The following MOSMO variants were observed in gnomAD, a reference collection of about 807,000 sequenced individuals.
The protein encoded by MOSMO is modulator of smoothened, also known as modulator of smoothened protein.
MOSMO carries 5 observed loss-of-function variants against 18.4 expected under a neutral mutation model. That is an observed-to-expected ratio of 0.27 (90% CI 0.14 to 0.57). MOSMO has a LOEUF of 0.57. Ranked by LOEUF, MOSMO falls within the 20% of genes least tolerant of loss-of-function variation. The pLI is 0.92. For synonymous variants in MOSMO, 82 were observed against 82.3 expected, an observed-to-expected ratio of 1.00 and a Z score of 0.02; for missense variants, 138 against 211.8, an observed-to-expected ratio of 0.65 and a Z score of 2.16.
chr16:22,047,924 T>C lies in MOSMO; in HGVS notation c.107-27563T>C, dbSNP rs187150243. Reference sequence around the variant, plus strand: ...TGAAGATTGCCTATTAGAAGGATAGTACTACCAGTTGGTTAGAAATAGCCA... The same window carrying C: ...TGAAGATTGCCTATTAGAAGGATAGCACTACCAGTTGGTTAGAAATAGCCA... On this transcript the variant is annotated intron_variant, in intron 1 of 2. Coordinates refer to ENST00000542527, the MANE Select transcript of MOSMO (RefSeq NM_001164579.2). Among the ~76,000 whole-genome samples the C allele has an allele frequency of 1.1e-4, 17 of 152,314 alleles. No homozygotes were observed. In the East Asian group the frequency reaches 1.5e-3, roughly 14 times the overall value.
At chr16:22,062,400 G>A (rs898518959) in intron 1 of MOSMO, among the ~76,000 whole-genome samples, 4 of 152,004 alleles carry the variant, frequency 2.6e-5, no homozygotes, top group African/African-American at 4.8e-5. Context: ...ATAGCTCACT[G>A]CAGCCTCAAA....
chr16:22,019,244 T>C (rs1421280726), intron 1 of MOSMO, among the ~76,000 whole-genome samples: 1 of 152,208 alleles, frequency 6.6e-6, no homozygotes, highest in Non-Finnish European at 1.5e-5. Context: ...TAGATCCTGC[T>C]TTTTTCCCCG....
At chr16:22,026,281 C>T (rs1173520104) in intron 1 of MOSMO, among the ~76,000 whole-genome samples, 2 of 138,070 alleles carry the variant, frequency 1.4e-5, no homozygotes, top group East Asian at 2.2e-4. Context: ...TGCTGTGGTG[C>T]GATTTTGGCT....
rs541554863 is a variant in MOSMO at position 22,061,168 on chromosome 16, G to C, written c.107-14319G>C. ...AGGAGGCTAACTGCAAAGGAGTCTG[G>C]GAACTTTTTATGGTGATGCACACAT... is the stretch of plus-strand genomic sequence containing the variant. On this transcript the variant is annotated intron_variant, in intron 1 of 2. Transcript: ENST00000542527. Among the ~76,000 whole-genome samples, 155 of 152,234 alleles carry C rather than the reference G, an allele frequency of 1.0e-3. 2 individuals are homozygous for C. The Middle Eastern group carries it at 0.017, about 17-fold the overall frequency.
At chr16:22,091,350 G>T (rs1901318590), downstream of MOSMO, among the ~76,000 whole-genome samples, 1 of 152,098 alleles carries the variant, frequency 6.6e-6, no homozygotes. Context: ...CATCTGAAGG[G>T]TGTTCCCTAC....
chr16:22,031,825 A>C (rs1264879812), intron 1 of MOSMO, among the ~76,000 whole-genome samples: 3 of 152,204 alleles, frequency 2.0e-5, no homozygotes, highest in African/African-American at 7.2e-5. Flanking sequence ...AACCATGTAC[A>C]GGTTTTTGCA....
At chr16:22,012,856 A>G (rs983061015) in intron 1 of MOSMO, among the ~76,000 whole-genome samples, 1 of 151,902 alleles carries the variant, frequency 6.6e-6, no homozygotes, top group Non-Finnish European at 1.5e-5. Flanking sequence ...GTCTTGGTCT[A>G]GATACAGAGA....
chr16:22,056,449 G>A (rs924740678), intron 1 of MOSMO, among the ~76,000 whole-genome samples: 1 of 125,922 alleles, frequency 7.9e-6, no homozygotes, highest in African/African-American at 3.0e-5. Flanking sequence ...TCAGCTCAAC[G>A]CAACCTCCGC....
chr16:22,083,886 T>A lies in MOSMO; in HGVS notation c.*3006T>A. 3.0e-6 allele frequency: 1 copy of A among 336,044 alleles called. No homozygotes were observed. Among genetic ancestry groups the A allele is most frequent in the South Asian group, 2.4e-5 (1 of 41,496 alleles). The allele number at this position is 336,044 out of a possible 1,614,324, so 20.8% of individuals were successfully genotyped here. A position where few individuals can be genotyped will look rare whatever the true frequency, so the allele number is the denominator to read the frequency against. Reference sequence around the variant, plus strand: ...TTCCAAAGGTAATCCATGTTCTATGTTGTTAATGTGTGTATGTAATTTTTC... The same window carrying A: ...TTCCAAAGGTAATCCATGTTCTATGATGTTAATGTGTGTATGTAATTTTTC... On this transcript the variant is annotated 3_prime_UTR_variant, in exon 3 of 3. Coordinates refer to ENST00000542527, the MANE Select transcript of MOSMO (RefSeq NM_001164579.2).
intron 1 of MOSMO, among the ~76,000 whole-genome samples, chr16:22,073,881 A>T (rs888254579): frequency 7.2e-5 from 11 of 152,026 alleles, no homozygotes; most frequent in African/African-American, 2.7e-4. Context: ...CTGGGCAGGG[A>T]TCACCAGATG....
chr16:22,038,592 T>G (rs16972595), intron 1 of MOSMO, among the ~76,000 whole-genome samples: 18,134 of 152,150 alleles, frequency 0.12, 1,329 homozygotes, highest in South Asian at 0.28. Context: ...GGAGTCCACC[T>G]CTGTGACTTA....
At chr16:22,064,492 T>C in intron 1 of MOSMO, 1 of 443,998 alleles carries the variant, frequency 2.3e-6, no homozygotes, top group South Asian at 1.6e-5. Flanking sequence ...ATACCCTAAT[T>C]GAAATGGAAT....
chr16:22,047,182 C>T (rs1351497213), intron 1 of MOSMO, among the ~76,000 whole-genome samples: 1 of 150,870 alleles, frequency 6.6e-6, no homozygotes, highest in Admixed American at 6.6e-5. Flanking sequence ...GATCTTTCCA[C>T]GTCAATATAC....
chr16:22,090,032 A>C (rs942091337), downstream of MOSMO: 1 of 152,036 alleles, frequency 6.6e-6, no homozygotes, highest in Non-Finnish European at 1.5e-5. Flanking sequence ...CCTTCGGGCC[A>C]TGTGGTTTCA....
At chr16:22,088,397 T>C (rs1901228447), downstream of MOSMO, among the ~76,000 whole-genome samples, 1 of 152,212 alleles carries the variant, frequency 6.6e-6, no homozygotes, top group Non-Finnish European at 1.5e-5. Flanking sequence ...AGTATTCCAT[T>C]TGATACATAT....
intron 1 of MOSMO, among the ~76,000 whole-genome samples, chr16:22,031,446 A>G (rs1034871224): frequency 3.3e-5 from 5 of 152,244 alleles, no homozygotes; most frequent in African/African-American, 9.6e-5. Flanking sequence ...ATTCACAGTT[A>G]TACAATCATC....
At chr16:22,069,787 G>T (rs181909003) in intron 1 of MOSMO, among the ~76,000 whole-genome samples, 6 of 152,272 alleles carry the variant, frequency 3.9e-5, no homozygotes, top group Non-Finnish European at 5.9e-5. Flanking sequence ...GGCCATGGCT[G>T]GGGGCACGGG....
At chr16:22,077,871 G>A (rs1248657090) in intron 2 of MOSMO, among the ~76,000 whole-genome samples, 1 of 152,140 alleles carries the variant, frequency 6.6e-6, no homozygotes, top group Non-Finnish European at 1.5e-5. Flanking sequence ...ACCAGAACGA[G>A]TGGCTGGGGT....
chr16:22,068,614 G>A (rs964462313), intron 1 of MOSMO, among the ~76,000 whole-genome samples: 15 of 152,046 alleles, frequency 9.9e-5, no homozygotes, highest in African/African-American at 2.4e-4. Flanking sequence ...TCACATAAAC[G>A]GAATCATACA....
Sources: gnomAD v4.1 joint callset for allele counts (sites outside exome capture counted in the v4.1 genomes callset) on GRCh38, gnomAD v4.1.1 for gene constraint, MANE v1.5 for transcripts, NCBI Gene and HGNC (gene_info 2026-07-23, HGNC 2026-07-21) for gene names.